AGBL1: variants seen among roughly 807,000 people sequenced by gnomAD.
The protein encoded by AGBL1 is cytosolic carboxypeptidase 4.
Under a neutral mutation model 118.9 loss-of-function variants are expected in AGBL1, and 130 were observed. The observed-to-expected ratio is 1.09, with a 90% CI of 0.95 to 1.26. AGBL1 has a LOEUF of 1.26. Among genes scored for constraint, AGBL1 ranks in the 50% most tolerant of loss-of-function variants. The probability of loss-of-function intolerance (pLI) is 0.00; values close to 1 mark genes in which losing one functional copy is unlikely to be tolerated. For missense variants in AGBL1, 1,584 were observed against 1,298.1 expected (o/e 1.22, Z -3.38); for synonymous variants, 555 against 478.9 (o/e 1.16, Z -2.08).
chr15:86,444,275 T>C (rs185892503), intron 18 of AGBL1, among the ~76,000 whole-genome samples: 9 of 152,348 alleles, frequency 5.9e-5, no homozygotes, highest in African/African-American at 2.2e-4. Flanking sequence ...CCCCTCTTGC[T>C]GGGTTTCCTC....
chr15:86,768,141 C>T (rs1039921836), intron 22 of AGBL1, among the ~76,000 whole-genome samples: 2 of 151,930 alleles, frequency 1.3e-5, no homozygotes, highest in African/African-American at 4.8e-5. Context: ...CATTGCATTA[C>T]AGCTGATGGG....
chr15:86,395,648 T>C (rs1305984211), intron 17 of AGBL1, among the ~76,000 whole-genome samples: 1 of 152,046 alleles, frequency 6.6e-6, no homozygotes, highest in Non-Finnish European at 1.5e-5. Flanking sequence ...AGTGTATAGG[T>C]GACCTACAAG....
chr15:86,222,218 G>A (rs922286518), intron 5 of AGBL1, among the ~76,000 whole-genome samples: 1 of 152,106 alleles, frequency 6.6e-6, no homozygotes, highest in Non-Finnish European at 1.5e-5. Flanking sequence ...ATTCCTAACT[G>A]TGGTTGCGTT....
chr15:86,532,011 A>G (rs1362982432), intron 19 of AGBL1, among the ~76,000 whole-genome samples: 1 of 151,906 alleles, frequency 6.6e-6, no homozygotes, highest in Non-Finnish European at 1.5e-5. Context: ...ATCATACTGA[A>G]TGGGAAAAAC....
At chr15:86,809,446 C>T (rs1004034904) in intron 22 of AGBL1, among the ~76,000 whole-genome samples, 1 of 152,132 alleles carries the variant, frequency 6.6e-6, no homozygotes, top group African/African-American at 2.4e-5. Context: ...AACCAGGATT[C>T]TTTTTATCCT....
At chr15:86,079,843 G>T (rs1382333418), upstream of AGBL1, 19 of 545,088 alleles carry the variant, frequency 3.5e-5, 1 homozygote, top group Middle Eastern at 5.1e-4. Flanking sequence ...TTCACACTCA[G>T]CAGCATGTGC....
intron 1 of AGBL1, among the ~76,000 whole-genome samples, chr15:86,137,699 C>T (rs958715391): frequency 1.3e-5 from 2 of 152,024 alleles, no homozygotes; most frequent in African/African-American, 2.4e-5. Context: ...TCCTCTAAAC[C>T]AACCACAGGA....
At chr15:86,526,853 G>A (rs1314782284) in intron 19 of AGBL1, among the ~76,000 whole-genome samples, 1 of 152,016 alleles carries the variant, frequency 6.6e-6, no homozygotes, top group African/African-American at 2.4e-5. Flanking sequence ...AGAAACAGAA[G>A]GGGGTTGGTG....
At chr15:86,411,578 C>T (rs1402140670) in intron 18 of AGBL1, among the ~76,000 whole-genome samples, 2 of 152,148 alleles carry the variant, frequency 1.3e-5, no homozygotes, top group African/African-American at 4.8e-5. Flanking sequence ...AGCCTTACTC[C>T]TTCATTGCCC....
intron 22 of AGBL1, among the ~76,000 whole-genome samples, chr15:86,795,641 A>G (rs192595485): frequency 2.0e-5 from 3 of 149,520 alleles, no homozygotes; most frequent in South Asian, 2.1e-4. Context: ...CTGGAGTGCA[A>G]TGGCGCGATC....
chr15:86,512,492 G>C (rs1351671582), intron 18 of AGBL1, among the ~76,000 whole-genome samples: 1 of 151,620 alleles, frequency 6.6e-6, no homozygotes, highest in Non-Finnish European at 1.5e-5. Context: ...CCTCAAAAAG[G>C]TGTAATCTAA....
At chr15:86,248,989 G>A (rs1469296066) in intron 7 of AGBL1, among the ~76,000 whole-genome samples, 2 of 152,060 alleles carry the variant, frequency 1.3e-5, no homozygotes, top group African/African-American at 4.8e-5. Flanking sequence ...GAAAGGGGAT[G>A]GTGTCTTCAA....
chr15:86,096,664 AATATT>A (rs1201040328), intron 1 of AGBL1, among the ~76,000 whole-genome samples: 4 of 152,192 alleles, frequency 2.6e-5, no homozygotes, highest in African/African-American at 9.6e-5. Context: ...TGAGGTTCCT[AATATT>A]ATGAGCATGC....
intron 22 of AGBL1, among the ~76,000 whole-genome samples, chr15:86,721,946 C>T (rs569853722): frequency 1.3e-5 from 2 of 152,154 alleles, no homozygotes; most frequent in African/African-American, 4.8e-5. Flanking sequence ...ATCCAACTTA[C>T]AAGGGATGTG....
chr15:86,717,800 C>A (rs773176387), intron 22 of AGBL1, among the ~76,000 whole-genome samples: 10 of 152,146 alleles, frequency 6.6e-5, no homozygotes, highest in Admixed American at 1.3e-4. Flanking sequence ...CCAATTCAGG[C>A]CGGGCATGGT....
At chr15:86,814,350 C>T (rs184732858) in intron 22 of AGBL1, among the ~76,000 whole-genome samples, 2 of 152,304 alleles carry the variant, frequency 1.3e-5, no homozygotes, top group African/African-American at 4.8e-5. Context: ...GTGGAAACAT[C>T]ATCTTCCATG....
At chr15:87,030,909 C>T (rs548358884), downstream of AGBL1, among the ~76,000 whole-genome samples, 22 of 152,010 alleles carry the variant, frequency 1.4e-4, no homozygotes, top group African/African-American at 4.3e-4. Context: ...TAGGATGTTG[C>T]GGCTGAGCTG....
chr15:86,448,015 C>G (rs570131182), intron 18 of AGBL1, among the ~76,000 whole-genome samples: 1 of 151,772 alleles, frequency 6.6e-6, no homozygotes, highest in African/African-American at 2.4e-5. Context: ...GGTGGTGGCA[C>G]GGGCCTGTGG....
chr15:86,493,479 C>T (rs935662899), intron 18 of AGBL1, among the ~76,000 whole-genome samples: 17 of 152,036 alleles, frequency 1.1e-4, no homozygotes, highest in African/African-American at 3.4e-4. Flanking sequence ...GGAGAGCATG[C>T]CCAAGGACAG....
Sources: gnomAD v4.1 joint callset for allele counts (sites outside exome capture counted in the v4.1 genomes callset) on GRCh38, gnomAD v4.1.1 for gene constraint, MANE v1.5 for transcripts, NCBI Gene and HGNC (gene_info 2026-07-23, HGNC 2026-07-21) for gene names.